The following TCF12 variants were observed in gnomAD, a reference collection of about 807,000 sequenced individuals.
TCF12 encodes DNA-binding protein HTF4.
TCF12 carries 45 observed loss-of-function variants against 86.0 expected under a neutral mutation model. The observed-to-expected ratio is 0.52, with a 90% CI of 0.41 to 0.67. TCF12 has a LOEUF of 0.67. Among genes scored for constraint, TCF12 ranks in the 30% least tolerant of loss-of-function variants. TCF12 has a pLI of 0.00. For synonymous variants in TCF12, 330 were observed against 299.6 expected (o/e 1.10, Z -1.05); for missense variants, 881 against 859.9 (o/e 1.02, Z -0.31).
chr15:57,219,688 T>C, intron 8 of TCF12: 4 of 1,054,862 alleles, frequency 3.8e-6, no homozygotes, highest in Non-Finnish European at 5.6e-6. Flanking sequence ...TTTTGTTTTA[T>C]CCTTTTATGC....
chr15:57,015,318 C>G (rs1451083440), intron 3 of TCF12, among the ~76,000 whole-genome samples: 2 of 152,150 alleles, frequency 1.3e-5, no homozygotes, highest in South Asian at 2.1e-4. Flanking sequence ...AATTCAGATG[C>G]TTTAAATTTA....
intron 13 of TCF12, among the ~76,000 whole-genome samples, chr15:57,250,757 G>C (rs567992012): frequency 5.9e-5 from 9 of 151,534 alleles, no homozygotes; most frequent in Non-Finnish European, 1.2e-4. Context: ...ATTAGCCAAC[G>C]TGGTGGCACA....
At chr15:57,113,778 T>TAAAAAAA (rs34582402) in intron 5 of TCF12, among the ~76,000 whole-genome samples, 1 of 95,796 alleles carries the variant, frequency 1.0e-5, no homozygotes, top group Non-Finnish European at 1.9e-5. Context: ...CGTCTCTACT[T>TAAAAAAA]AAAAAAAAAA....
Position 57,111,268 on chromosome 15 carries a change from C to G in TCF12, c.325+19377C>G, listed in dbSNP as rs373234255. Among the ~76,000 whole-genome samples the G allele has an allele frequency of 5.9e-5, 9 of 152,236 alleles. No homozygotes were observed. In the South Asian group the frequency reaches 1.0e-3, roughly 18 times the overall value. ...AGATCCCAGTGAGTTTCAAGCCAAA[C>G]TCTTATGAAAACATAGTGCCTACAA... On this transcript the variant is annotated intron_variant, in intron 5 of 20. Transcript: ENST00000333725.
intron 6 of TCF12, among the ~76,000 whole-genome samples, chr15:57,181,230 G>GT (rs1425943021): frequency 1.3e-5 from 2 of 151,908 alleles, no homozygotes; most frequent in Non-Finnish European, 2.9e-5. Context: ...AAGTAAGCCT[G>GT]TTTTTCAACA....
chr15:57,143,002 AAG>A lies in TCF12; in HGVS notation c.326-23397_326-23396del, dbSNP rs869029700. Among the ~76,000 whole-genome samples, 13 of 152,278 alleles carry A rather than the reference AAG, an allele frequency of 8.5e-5. No homozygotes were observed. The East Asian group carries it at 1.2e-3, about 14-fold the overall frequency. On this transcript the variant is annotated intron_variant, in intron 5 of 20. Transcript: ENST00000333725. ...TAATTGTAAGTTTTAAAATAACTAA[AAG>A]AGTATATTTGGACTGATTATATGTA...
At chr15:57,250,579 A>G (rs1183479358) in intron 13 of TCF12, among the ~76,000 whole-genome samples, 5 of 152,134 alleles carry the variant, frequency 3.3e-5, no homozygotes, top group African/African-American at 1.2e-4. Context: ...AAATACAAAA[A>G]TTAGCTTGGC....
chr15:57,255,766 G>A (rs1245984650), intron 16 of TCF12, among the ~76,000 whole-genome samples: 2 of 152,050 alleles, frequency 1.3e-5, no homozygotes, highest in East Asian at 3.9e-4. Flanking sequence ...ACAGGTGTGA[G>A]CCACTGCACC....
At chr15:57,163,879 G>T (rs1417539613) in intron 5 of TCF12, among the ~76,000 whole-genome samples, 1 of 152,146 alleles carries the variant, frequency 6.6e-6, no homozygotes, top group Non-Finnish European at 1.5e-5. Flanking sequence ...AACTTAGAAT[G>T]ACTGGCATAG....
At chr15:57,248,433 G>T (rs1416928944) in intron 13 of TCF12, among the ~76,000 whole-genome samples, 1 of 152,200 alleles carries the variant, frequency 6.6e-6, no homozygotes, top group Non-Finnish European at 1.5e-5. Flanking sequence ...AAGAGAATAA[G>T]TTTACTAAGG....
chr15:57,195,490 G>A (rs1415677451), intron 7 of TCF12, among the ~76,000 whole-genome samples: 2 of 152,236 alleles, frequency 1.3e-5, no homozygotes, highest in Non-Finnish European at 2.9e-5. Flanking sequence ...TTAGTTGTGA[G>A]TAGTTGGGGT....
intron 18 of TCF12, among the ~76,000 whole-genome samples, chr15:57,263,733 T>C (rs1037040505): frequency 6.6e-6 from 1 of 152,236 alleles, no homozygotes; most frequent in Non-Finnish European, 1.5e-5. Context: ...TTCACAAACC[T>C]AGCCTGTTGT....
intron 5 of TCF12, among the ~76,000 whole-genome samples, chr15:57,112,133 A>T (rs934687215): frequency 1.3e-5 from 2 of 152,208 alleles, no homozygotes; most frequent in Non-Finnish European, 2.9e-5. Context: ...AATTGTACTC[A>T]AAACTTTTTA....
At position 57,263,153 on chromosome 15, in the gene TCF12, A is replaced by G; in HGVS notation, c.1624A>G (p.Ile542Val). 6.2e-7 allele frequency: 1 copy of G among 1,613,126 alleles called. No homozygotes were observed. The highest frequency in any genetic ancestry group is 8.5e-7 in the Non-Finnish European group (1 of 1,179,710). The change falls in exon 18 of 21, where the codon ATC becomes GTC. Residue 542 changes from isoleucine (I) to valine (V), a missense_variant. Transcript: ENST00000333725. ...GTCTGGAACTGTTGTTACAACAGAA[A>G]TCAAGACTGAAAACAAAGAAAAGGA... The part of the protein sequence containing the change: ...SQSGTVVTTE[I>V]KTENKEKDEN...
intron 3 of TCF12, among the ~76,000 whole-genome samples, chr15:57,021,879 G>C (rs761780018): frequency 1.6e-4 from 25 of 152,184 alleles, no homozygotes; most frequent in Non-Finnish European, 2.8e-4. Context: ...TTTGGTATGT[G>C]CAGGGGTCTT....
chr15:57,282,592 C>T lies in TCF12; in HGVS notation c.*5C>T. The T allele has an allele frequency of 6.2e-7, 1 of 1,612,006 alleles. No individual in the cohort carries two copies. The highest frequency in any genetic ancestry group is 8.5e-7 in the Non-Finnish European group (1 of 1,179,478). On this transcript the variant is annotated 3_prime_UTR_variant, in exon 20 of 21. Transcript: ENST00000333725. Reference sequence around the variant, plus strand: ...AACCCTATGGGTCATATGTAAACATCAGCCAGGTAAGTACGGGTTTGAAAA... The same window carrying T: ...AACCCTATGGGTCATATGTAAACATTAGCCAGGTAAGTACGGGTTTGAAAA...
At chr15:57,266,476 TGCCA>T (rs1479332592) in intron 18 of TCF12, among the ~76,000 whole-genome samples, 2 of 152,212 alleles carry the variant, frequency 1.3e-5, no homozygotes, top group African/African-American at 2.4e-5. Flanking sequence ...CTAGAATAGT[TGCCA>T]CAGAGACTAT....
chr15:56,964,469 G>C (rs1188538843), intron 3 of TCF12, among the ~76,000 whole-genome samples: 1 of 152,058 alleles, frequency 6.6e-6, no homozygotes, highest in Non-Finnish European at 1.5e-5. Context: ...CTCTGTGGCT[G>C]TTCATGCTTG....
chr15:57,104,076 G>A (rs1483221509), intron 5 of TCF12, among the ~76,000 whole-genome samples: 2 of 152,144 alleles, frequency 1.3e-5, no homozygotes, highest in African/African-American at 2.4e-5. Flanking sequence ...GTATTTCATA[G>A]TGGAAAGGCA....
Sources: gnomAD v4.1 joint callset for allele counts (sites outside exome capture counted in the v4.1 genomes callset) on GRCh38, gnomAD v4.1.1 for gene constraint, MANE v1.5 for transcripts, NCBI Gene and HGNC (gene_info 2026-07-23, HGNC 2026-07-21) for gene names.